The following PRSS12 variants were observed in gnomAD, a reference collection of about 807,000 sequenced individuals.
PRSS12 encodes the protein neurotrypsin.
In PRSS12, 85 loss-of-function variants were observed where a neutral mutation model predicts 104.4. The ratio of observed to expected loss-of-function variants is 0.81; its 90% CI spans 0.68 to 0.98. PRSS12 has a LOEUF of 0.98. Ranked by LOEUF, PRSS12 falls within the 50% of genes least tolerant of loss-of-function variation. PRSS12 has a pLI of 0.00. For missense variants in PRSS12, 1,141 were observed against 1,139.2 expected, an observed-to-expected ratio of 1.00 and a Z score of -0.02; for synonymous variants, 454 against 425.2, an observed-to-expected ratio of 1.07 and a Z score of -0.83.
intron 6 of PRSS12, among the ~76,000 whole-genome samples, chr4:118,315,873 T>A (rs1472739179): frequency 2.6e-5 from 4 of 152,164 alleles, no homozygotes; most frequent in Non-Finnish European, 2.9e-5. Flanking sequence ...AGTAATGACG[T>A]GTCAGAATAA....
chr4:118,290,606 G>A (rs2126027070), intron 11 of PRSS12, among the ~76,000 whole-genome samples: 1 of 152,144 alleles, frequency 6.6e-6, no homozygotes, highest in Non-Finnish European at 1.5e-5. Context: ...AAAATACTTT[G>A]ACATACTTTG....
intron 11 of PRSS12, among the ~76,000 whole-genome samples, chr4:118,289,495 C>A (rs1339208725): frequency 6.6e-6 from 1 of 152,184 alleles, no homozygotes; most frequent in Admixed American, 6.5e-5. Flanking sequence ...ACTAAGGTAT[C>A]TTTCACCTGG....
intron 8 of PRSS12, among the ~76,000 whole-genome samples, chr4:118,307,182 C>T (rs934895321): frequency 1.3e-5 from 2 of 152,048 alleles, no homozygotes; most frequent in South Asian, 2.1e-4. Context: ...TACTTTACTG[C>T]CCCATATTTT....
intron 4 of PRSS12, among the ~76,000 whole-genome samples, chr4:118,319,892 T>C (rs759415100): frequency 6.6e-6 from 1 of 152,112 alleles, no homozygotes; most frequent in African/African-American, 2.4e-5. Context: ...CCCAGCCTGG[T>C]CTTGAACTCC....
chr4:118,332,673 A>G (rs968028362), intron 3 of PRSS12, among the ~76,000 whole-genome samples: 6 of 152,234 alleles, frequency 3.9e-5, no homozygotes, highest in Non-Finnish European at 5.9e-5. Context: ...ATGAGGACAG[A>G]AATACTGTGT....
chr4:118,352,903 C>A lies in PRSS12; in HGVS notation c.-183G>T. ...CCGCCGCTGGTGCCCTGCCGCGCCT[C>A]GGCTCCTGTCCCCTGGCGGCGGCCG... On this transcript the variant is annotated 5_prime_UTR_variant, in exon 1 of 13. Transcript: ENST00000296498. The A allele has an allele frequency of 7.2e-7, 1 of 1,394,132 alleles. No individual in the cohort carries two copies. Among genetic ancestry groups the A allele is most frequent in the Non-Finnish European group, 9.3e-7 (1 of 1,074,756 alleles). The allele number at this position is 1,394,132 out of a possible 1,614,324, so 86.4% of individuals were successfully genotyped here. A position where few individuals can be genotyped will look rare whatever the true frequency, so the allele number is the denominator to read the frequency against.
At chr4:118,301,073 T>A (rs939394120) in intron 8 of PRSS12, among the ~76,000 whole-genome samples, 7 of 152,094 alleles carry the variant, frequency 4.6e-5, no homozygotes, top group African/African-American at 1.7e-4. Flanking sequence ...TTGCATTTTT[T>A]AAATTTTATG....
Position 118,352,858 on chromosome 4 carries a change from C to T in PRSS12, c.-138G>A, listed in dbSNP as rs1194080196. The T allele has an allele frequency of 9.5e-6, 14 of 1,471,498 alleles. No homozygotes were observed. The highest frequency in any genetic ancestry group is 9.0e-6 in the Non-Finnish European group (10 of 1,111,934). 91.2% of individuals were successfully genotyped at this position (1,471,498 alleles called of 1,614,324 possible). A position where few individuals can be genotyped will look rare whatever the true frequency, so the allele number is the denominator to read the frequency against. ...CCCGCCCCCGCACGCGGACCGCCCT[C>T]GCCTCCCCAACCTTGCCTCCCGCCG... On this transcript the variant is annotated 5_prime_UTR_variant, in exon 1 of 13. Coordinates refer to ENST00000296498, the MANE Select transcript of PRSS12 (RefSeq NM_003619.4).
In PRSS12 at chr4:118,291,695, T is replaced by A. The variant is rs754798368; in HGVS notation, c.2039+3244A>T. The stretch of plus-strand genomic sequence containing the variant: ...GACACAGTGCTTTTCTCCCTGACAG[T>A]TGCTTGAGCACAGAAAGACAGAATA... On this transcript the variant is annotated intron_variant, in intron 11 of 12. Coordinates refer to ENST00000296498, the MANE Select transcript of PRSS12 (RefSeq NM_003619.4). Among the ~76,000 whole-genome samples the A allele has an allele frequency of 2.0e-5, 3 of 152,042 alleles. No homozygotes were observed. In the East Asian group the frequency reaches 5.8e-4, roughly 29 times the overall value.
intron 8 of PRSS12, among the ~76,000 whole-genome samples, chr4:118,306,719 G>A (rs1410647048): frequency 6.6e-6 from 1 of 152,048 alleles, no homozygotes; most frequent in African/African-American, 2.4e-5. Flanking sequence ...TTTGGGTGGG[G>A]ACAAATATCC....
chr4:118,295,106 A>G, intron 10 of PRSS12, 45 bp from the exon 11 acceptor site: 1 of 1,602,664 alleles, frequency 6.2e-7, no homozygotes, highest in Non-Finnish European at 8.5e-7. Context: ...AAAAGGCAAA[A>G]AAGCAAAGGA....
intron 5 of PRSS12, among the ~76,000 whole-genome samples, 166 bp from the exon 6 acceptor site, chr4:118,316,489 G>A (rs1391099093): frequency 1.3e-5 from 2 of 152,116 alleles, no homozygotes; most frequent in Non-Finnish European, 2.9e-5. Context: ...TTATCATGTT[G>A]TTTCTGAAGT....
chr4:118,329,328 C>A (rs1408054303), intron 4 of PRSS12, among the ~76,000 whole-genome samples: 2 of 152,100 alleles, frequency 1.3e-5, no homozygotes, highest in Non-Finnish European at 2.9e-5. Context: ...TATTAATAAT[C>A]AAAAATGCCT....
At chr4:118,339,035 C>T (rs1174885577) in intron 1 of PRSS12, among the ~76,000 whole-genome samples, 3 of 152,128 alleles carry the variant, frequency 2.0e-5, no homozygotes, top group Admixed American at 6.6e-5. Context: ...GTCCCAAAGT[C>T]CACAATTTAA....
chr4:118,286,581 A>G (rs776688179), intron 11 of PRSS12, among the ~76,000 whole-genome samples: 1 of 152,198 alleles, frequency 6.6e-6, no homozygotes, highest in African/African-American at 2.4e-5. Context: ...TGTCATGATC[A>G]CTATTGTATC....
intron 9 of PRSS12, among the ~76,000 whole-genome samples, chr4:118,297,091 AG>A (rs1458764010): frequency 6.6e-6 from 1 of 152,246 alleles, no homozygotes; most frequent in African/African-American, 2.4e-5. Context: ...CATTTATAAA[AG>A]AAACCCATCA....
At chr4:118,299,712 T>TAATA (rs1457157395) in intron 8 of PRSS12, among the ~76,000 whole-genome samples, 940 of 63,594 alleles carry the variant, frequency 0.015, 35 homozygotes, top group South Asian at 0.026. Context: ...ATAAATAAAA[T>TAATA]AAATAAAATA....
At chr4:118,345,084 G>A (rs1377509947) in intron 1 of PRSS12, among the ~76,000 whole-genome samples, 1 of 152,102 alleles carries the variant, frequency 6.6e-6, no homozygotes, top group Non-Finnish European at 1.5e-5. Flanking sequence ...AGAGGACAAA[G>A]GTGAATTTCT....
At chr4:118,319,932 T>C (rs1277695840) in intron 4 of PRSS12, among the ~76,000 whole-genome samples, 1 of 151,936 alleles carries the variant, frequency 6.6e-6, no homozygotes, top group Admixed American at 6.6e-5. Context: ...CACCTCAACC[T>C]CCCAAAAGTG....
Sources: allele counts gnomAD v4.1 joint callset (sites outside exome capture counted in the v4.1 genomes callset), GRCh38; gene constraint gnomAD v4.1.1; transcripts MANE v1.5; gene names NCBI Gene and HGNC (gene_info 2026-07-23, HGNC 2026-07-21).